Variants in IMMP2L observed in about 807,000 individuals in gnomAD.
The protein encoded by IMMP2L is inner mitochondrial membrane peptidase subunit 2.
IMMP2L carries 18 observed loss-of-function variants against 19.3 expected under a neutral mutation model. That is an observed-to-expected ratio of 0.93 (90% confidence interval 0.64 to 1.38). The LOEUF (loss-of-function observed/expected upper bound fraction) is 1.38, where lower values mean the gene tolerates loss of function less well. Among genes scored for constraint, IMMP2L ranks in the 40% most tolerant of loss-of-function variants. The pLI is 0.00. For missense variants in IMMP2L, 233 were observed against 218.2 expected, an observed-to-expected ratio of 1.07 and a Z score of -0.43; for synonymous variants, 76 against 73.0, an observed-to-expected ratio of 1.04 and a Z score of -0.21.
chr7:111,201,668 A>T (rs925307202), intron 3 of IMMP2L, among the ~76,000 whole-genome samples: 4 of 151,356 alleles, frequency 2.6e-5, no homozygotes, highest in Admixed American at 2.0e-4. Flanking sequence ...GTGAGCTGAG[A>T]TTGCGCCACT....
intron 4 of IMMP2L, among the ~76,000 whole-genome samples, chr7:110,923,634 A>G (rs1814537035): frequency 2.0e-5 from 3 of 152,222 alleles, no homozygotes; most frequent in Non-Finnish European, 4.4e-5. Context: ...TTTAAGCATT[A>G]CTTTTTCATA....
chr7:110,739,934 G>A (rs1011295127), intron 5 of IMMP2L, among the ~76,000 whole-genome samples: 17 of 152,154 alleles, frequency 1.1e-4, no homozygotes, highest in African/African-American at 4.1e-4. Flanking sequence ...CAAACACAAA[G>A]AAATTAAATA....
intron 3 of IMMP2L, among the ~76,000 whole-genome samples, chr7:111,218,160 A>C (rs1812151805): frequency 6.6e-6 from 1 of 152,220 alleles, no homozygotes; most frequent in Non-Finnish European, 1.5e-5. Flanking sequence ...TTATGGTCTT[A>C]GTAAACAAAT....
At chr7:110,973,677 C>A (rs1229812814) in intron 3 of IMMP2L, among the ~76,000 whole-genome samples, 1 of 152,038 alleles carries the variant, frequency 6.6e-6, no homozygotes, top group Non-Finnish European at 1.5e-5. Context: ...GTGTGCCCGC[C>A]CACAAGTGTT....
At chr7:110,861,119 GAGAGAGAGAGACAGAGAC>G (rs1317222015) in intron 5 of IMMP2L, among the ~76,000 whole-genome samples, 3,294 of 147,102 alleles carry the variant, frequency 0.022, 37 homozygotes, top group South Asian at 0.046. Flanking sequence ...GAGAGAGAGA[GAGAGAGAGAGACAGAGAC>G]AGAGAGACAG....
chr7:111,071,973 A>C (rs1319242465), intron 3 of IMMP2L, among the ~76,000 whole-genome samples: 4 of 152,214 alleles, frequency 2.6e-5, no homozygotes, highest in Non-Finnish European at 5.9e-5. Flanking sequence ...CCACTAAAAA[A>C]ATGAGGGGTC....
At chr7:110,821,812 ACTTGG>A in intron 5 of IMMP2L, among the ~76,000 whole-genome samples, 1 of 152,064 alleles carries the variant, frequency 6.6e-6, no homozygotes, top group Non-Finnish European at 1.5e-5. Context: ...AATCCCAGCT[ACTTGG>A]AAGGCTGAGG....
At chr7:111,469,290 A>G (rs527413974) in intron 3 of IMMP2L, among the ~76,000 whole-genome samples, 150 of 152,214 alleles carry the variant, frequency 9.9e-4, no homozygotes, top group African/African-American at 3.5e-3. Context: ...AATTCTGTGA[A>G]GAAAGTCATT....
intron 1 of IMMP2L, 123 bp from the exon 2 acceptor site, chr7:111,521,572 CACTCAT>C: frequency 7.0e-6 from 5 of 715,554 alleles, no homozygotes; most frequent in Non-Finnish European, 1.1e-5. Context: ...ATATATTACA[CACTCAT>C]TCCTGTAACC....
chr7:110,715,656 G>T (rs563138247), intron 5 of IMMP2L, among the ~76,000 whole-genome samples: 8 of 152,084 alleles, frequency 5.3e-5, no homozygotes, highest in African/African-American at 1.9e-4. Context: ...CAGCTTTTTT[G>T]AATTTATTAA....
At chr7:111,057,069 A>G (rs1298479871) in intron 3 of IMMP2L, among the ~76,000 whole-genome samples, 1 of 152,168 alleles carries the variant, frequency 6.6e-6, no homozygotes, top group African/African-American at 2.4e-5. Context: ...ATTTTTTCAA[A>G]TTGTTAATAA....
At chr7:110,897,941 A>T (rs1811487115) in intron 4 of IMMP2L, among the ~76,000 whole-genome samples, 1 of 152,076 alleles carries the variant, frequency 6.6e-6, no homozygotes, top group East Asian at 1.9e-4. Context: ...TATTGAAGAT[A>T]CACAAGGGGT....
intron 3 of IMMP2L, among the ~76,000 whole-genome samples, chr7:111,119,367 T>C (rs1049452808): frequency 6.6e-6 from 1 of 152,160 alleles, no homozygotes; most frequent in Non-Finnish European, 1.5e-5. Flanking sequence ...CAGACTGAAA[T>C]TTTACTAAAG....
chr7:111,015,990 T>TA (rs1825476171), intron 3 of IMMP2L, among the ~76,000 whole-genome samples: 1 of 152,070 alleles, frequency 6.6e-6, no homozygotes, highest in Non-Finnish European at 1.5e-5. Context: ...TTCAACTCCC[T>TA]AGGAATCCTC....
intron 3 of IMMP2L, among the ~76,000 whole-genome samples, chr7:110,973,967 G>A (rs1428282239): frequency 1.3e-5 from 2 of 152,096 alleles, no homozygotes; most frequent in African/African-American, 2.4e-5. Context: ...ATGTGTGGAC[G>A]AAATTTGCAT....
chr7:111,139,757 T>A (rs1802691855), intron 3 of IMMP2L, among the ~76,000 whole-genome samples: 1 of 151,830 alleles, frequency 6.6e-6, no homozygotes, highest in African/African-American at 2.4e-5. Flanking sequence ...TTCCTCTAAA[T>A]AAAAAAAACT....
In IMMP2L at chr7:111,043,011, CA is replaced by C. The variant is rs993545119; in HGVS notation, c.240-79447del. ...CAAAAGTGGATGGGGCAAAAGAAGT[CA>C]AATTTCTATTTCTACAGCTGATACT... On this transcript the variant is annotated intron_variant, in intron 3 of 5. Coordinates refer to ENST00000405709, the MANE Select transcript of IMMP2L (RefSeq NM_032549.4). Among the ~76,000 whole-genome samples, 2 of 152,062 alleles carry C rather than the reference CA, an allele frequency of 1.3e-5. 1 individual carries two copies. Among genetic ancestry groups the C allele is most frequent in the Non-Finnish European group, 2.9e-5 (2 of 68,006 alleles).
chr7:111,155,175 G>A (rs1804506042), intron 3 of IMMP2L, among the ~76,000 whole-genome samples: 1 of 152,074 alleles, frequency 6.6e-6, no homozygotes. Flanking sequence ...TTCTGAATTT[G>A]TTGTAAGAAA....
chr7:111,160,400 T>A (rs1371649845), intron 3 of IMMP2L, among the ~76,000 whole-genome samples: 1 of 152,056 alleles, frequency 6.6e-6, no homozygotes, highest in Admixed American at 6.6e-5. Flanking sequence ...TTTCTATAGA[T>A]CACATATGCA....
Sources: gnomAD v4.1 joint callset for allele counts (sites outside exome capture counted in the v4.1 genomes callset) on GRCh38, gnomAD v4.1.1 for gene constraint, MANE v1.5 for transcripts, NCBI Gene and HGNC (gene_info 2026-07-23, HGNC 2026-07-21) for gene names.